The following LAMC3 variants were observed in gnomAD, a reference collection of about 807,000 sequenced individuals.
LAMC3 encodes the protein laminin subunit gamma-3.
Under a neutral mutation model 173.8 loss-of-function variants are expected in LAMC3, and 128 were observed. The ratio of observed to expected loss-of-function variants is 0.74; its 90% CI spans 0.64 to 0.85. LAMC3 has a LOEUF of 0.85. Ranked by LOEUF, LAMC3 falls within the 40% of genes least tolerant of loss-of-function variation. LAMC3 has a pLI of 0.00. For missense variants in LAMC3, 2,022 were observed against 2,156.0 expected, an observed-to-expected ratio of 0.94 and a Z score of 1.23; for synonymous variants, 897 against 909.1, an observed-to-expected ratio of 0.99 and a Z score of 0.24.
intron 27 of LAMC3, among the ~76,000 whole-genome samples, chr9:131,088,285 C>A (rs1262352328): frequency 6.6e-6 from 1 of 152,128 alleles, no homozygotes; most frequent in African/African-American, 2.4e-5. Flanking sequence ...CTCGGGCAAG[C>A]CACTCCACCT....
intron 3 of LAMC3, among the ~76,000 whole-genome samples, chr9:131,034,448 C>G (rs940918259): frequency 6.6e-6 from 1 of 152,272 alleles, no homozygotes; most frequent in Admixed American, 6.5e-5. Context: ...GGAGCCGCAA[C>G]AGCGGTTGGT....
intron 20 of LAMC3, among the ~76,000 whole-genome samples, chr9:131,074,825 TA>T (rs1215897011): frequency 6.6e-6 from 1 of 152,064 alleles, no homozygotes; most frequent in Non-Finnish European, 1.5e-5. Context: ...TCAGAGAAGT[TA>T]AGGAATTTCC....
intron 13 of LAMC3, among the ~76,000 whole-genome samples, chr9:131,065,057 AAAG>A (rs1263967697): frequency 4.2e-5 from 6 of 142,082 alleles, no homozygotes; most frequent in Non-Finnish European, 7.7e-5. Context: ...AAAAAAAAAA[AAAG>A]AAAAGGAAAG....
intron 6 of LAMC3, among the ~76,000 whole-genome samples, chr9:131,041,280 T>C (rs543738193): frequency 6.7e-6 from 1 of 149,270 alleles, no homozygotes; most frequent in Admixed American, 6.8e-5. Flanking sequence ...GACAGGAGAA[T>C]CACTTGAACC....
At chr9:131,057,914 C>T (rs1270495025) in intron 12 of LAMC3, among the ~76,000 whole-genome samples, 1 of 152,176 alleles carries the variant, frequency 6.6e-6, no homozygotes, top group East Asian at 1.9e-4. Flanking sequence ...GTCACCTTCT[C>T]TACACTATAT....
At chr9:131,047,217 T>TGTG (rs72106514) in intron 8 of LAMC3, among the ~76,000 whole-genome samples, 25,857 of 139,654 alleles carry the variant, frequency 0.19, 2,983 homozygotes, top group Admixed American at 0.27. Flanking sequence ...CAGGCTGGAG[T>TGTG]GCAATGGCGT....
intron 4 of LAMC3, among the ~76,000 whole-genome samples, chr9:131,036,712 C>T (rs1833952021): frequency 6.6e-6 from 1 of 152,228 alleles, no homozygotes; most frequent in Non-Finnish European, 1.5e-5. Context: ...CCACGGGCCC[C>T]CAGGCAGCCC....
chr9:131,032,539 T>TCTCTCTTGCTCTCTCTCG (rs1442906918), intron 3 of LAMC3, among the ~76,000 whole-genome samples: 48 of 126,728 alleles, frequency 3.8e-4, no homozygotes, highest in East Asian at 3.5e-3. Context: ...TCGCTGTCTC[T>TCTCTCTTGCTCTCTCTCG]CTCTCTTGCT....
intron 24 of LAMC3, among the ~76,000 whole-genome samples, chr9:131,084,953 AAAAG>A (rs1347703400): frequency 6.6e-6 from 1 of 152,124 alleles, no homozygotes; most frequent in Admixed American, 6.5e-5. Flanking sequence ...AAAAAAAAAA[AAAAG>A]AGAATTGTAA....
At chr9:131,018,645 C>T (rs900774539) in intron 1 of LAMC3, among the ~76,000 whole-genome samples, 1 of 152,134 alleles carries the variant, frequency 6.6e-6, no homozygotes, top group Non-Finnish European at 1.5e-5. Flanking sequence ...GCCCAATATG[C>T]TGTTCTCTCT....
chr9:131,090,012 G>T (rs1336705019), intron 27 of LAMC3, among the ~76,000 whole-genome samples: 1 of 152,084 alleles, frequency 6.6e-6, no homozygotes, highest in Non-Finnish European at 1.5e-5. Flanking sequence ...AACCAAGCTG[G>T]TGTTGAACTC....
At chr9:131,057,736 ATGG>A (rs1170031192) in intron 12 of LAMC3, among the ~76,000 whole-genome samples, 3 of 152,168 alleles carry the variant, frequency 2.0e-5, no homozygotes, top group Admixed American at 6.5e-5. Context: ...ACAAAGCCAT[ATGG>A]TGGTCAGGAG....
At chr9:131,038,528 G>A (rs1176375954) in intron 4 of LAMC3, among the ~76,000 whole-genome samples, 2 of 152,092 alleles carry the variant, frequency 1.3e-5, no homozygotes, top group African/African-American at 2.4e-5. Context: ...ATTTTGGAGA[G>A]AGCCAAGCTG....
rs114341570 is a variant in LAMC3 at position 131,013,034 on chromosome 9, T to C, written c.373+3447T>C. On this transcript the variant is annotated intron_variant, in intron 1 of 27. Transcript: ENST00000361069. ...TGGGGCCTGGGAGTCAGTGGGGTGT[T>C]GGGGGAGTGGACAGTGACGGGGGTA... 4.0e-3 allele frequency among the ~76,000 whole-genome samples: 610 copies of C among 152,206 alleles called. 3 individuals carry two copies. Among genetic ancestry groups the C allele is most frequent in the African/African-American group, 0.014 (578 of 41,550 alleles).
intron 3 of LAMC3, among the ~76,000 whole-genome samples, chr9:131,034,070 G>T (rs1483110401): frequency 6.6e-6 from 1 of 152,168 alleles, no homozygotes; most frequent in Non-Finnish European, 1.5e-5. Flanking sequence ...CCTGTCAGGG[G>T]GCTTCGGGCC....
intron 21 of LAMC3, among the ~76,000 whole-genome samples, chr9:131,076,361 T>G (rs1554790270): frequency 6.6e-6 from 1 of 152,068 alleles, no homozygotes; most frequent in Non-Finnish European, 1.5e-5. Context: ...CGGCTCTGCT[T>G]TTCTGCTTTG....
rs778333210 is a variant in LAMC3, at chr9:131,071,516, G to A, written c.3102G>A (p.Thr1034=). The A allele has an allele frequency of 4.3e-5, 69 of 1,613,764 alleles. No homozygotes were observed. The highest frequency in any genetic ancestry group is 2.4e-4 in the South Asian group (22 of 91,040). ...AAKLKARLTL[T]EGWLQGSDCG... ...AGCTGAAGGCCAGACTGACTTTGAC[G>A]GAGGGGTGGCTCCAAGGGTCCGACT... Residue 1034 remains threonine, a synonymous_variant, in exon 18 of 28, where the codon ACG becomes ACA. Transcript: ENST00000361069.
rs573903894 is a variant in LAMC3 at position 131,059,522 on chromosome 9, C to T, written c.2159-1513C>T. ...AAAAAAAAAAAAAAAAAAAAAAAGA[C>T]GTCAGCTGACCTAGCCGGGGAGGGC... is the stretch of plus-strand genomic sequence containing the variant. On this transcript the variant is annotated intron_variant, in intron 12 of 27. Transcript: ENST00000361069. Among the ~76,000 whole-genome samples the T allele has an allele frequency of 1.6e-4, 18 of 113,034 alleles. 1 individual carries two copies. The South Asian group carries it at 5.7e-3, about 36-fold the overall frequency. 74.2% of individuals were successfully genotyped at this position (113,034 alleles called of 152,430 possible). A position where few individuals can be genotyped will look rare whatever the true frequency, so the allele number is the denominator to read the frequency against.
At chr9:131,027,064 GTCT>G (rs1448493322) in intron 2 of LAMC3, among the ~76,000 whole-genome samples, 1 of 152,200 alleles carries the variant, frequency 6.6e-6, no homozygotes, top group African/African-American at 2.4e-5. Context: ...TTGCACCCAA[GTCT>G]TCTGTGGATG....
Sources: gnomAD v4.1 joint callset for allele counts (sites outside exome capture counted in the v4.1 genomes callset) on GRCh38, gnomAD v4.1.1 for gene constraint, MANE v1.5 for transcripts, NCBI Gene and HGNC (gene_info 2026-07-23, HGNC 2026-07-21) for gene names.